ABCA6: variants seen among roughly 807,000 people sequenced by gnomAD.
The protein encoded by ABCA6 is ATP binding cassette subfamily A member 6, also known as ATP-binding cassette sub-family A member 6.
In ABCA6, 164 loss-of-function variants were observed where a neutral mutation model predicts 191.2. That is an observed-to-expected ratio of 0.86 (90% CI 0.76 to 0.98). ABCA6 has a LOEUF of 0.98. Among genes scored for constraint, ABCA6 ranks in the 50% least tolerant of loss-of-function variants. The probability of loss-of-function intolerance (pLI) is 0.00; values close to 1 mark genes in which losing one functional copy is unlikely to be tolerated. For missense variants in ABCA6, 1,958 were observed against 1,894.1 expected, an observed-to-expected ratio of 1.03 and a Z score of -0.63; for synonymous variants, 636 against 647.7, an observed-to-expected ratio of 0.98 and a Z score of 0.27.
intron 12 of ABCA6, 104 bp downstream of exon 12, chr17:69,115,269 CATT>C (rs1221807257): frequency 4.0e-6 from 3 of 748,318 alleles, no homozygotes; most frequent in Non-Finnish European, 6.1e-6. Flanking sequence ...TTTAGATAAA[CATT>C]ATTTCTCTTA....
chr17:69,101,246 T>C (rs1014167608), intron 21 of ABCA6, among the ~76,000 whole-genome samples: 1 of 152,144 alleles, frequency 6.6e-6, no homozygotes, highest in Non-Finnish European at 1.5e-5. Flanking sequence ...GGAAATTTCA[T>C]TTAGTAGAGT....
chr17:69,106,240 A>G (rs2073301704), intron 18 of ABCA6, 29 bp from the exon 19 acceptor site: 33 of 1,568,508 alleles, frequency 2.1e-5, no homozygotes, highest in Non-Finnish European at 2.9e-5. Flanking sequence ...ACAAACACAC[A>G]TATTATAATA....
At chr17:69,127,136 A>C (rs2073768615) in intron 8 of ABCA6, among the ~76,000 whole-genome samples, 2 of 152,276 alleles carry the variant, frequency 1.3e-5, no homozygotes, top group South Asian at 2.1e-4. Context: ...TACACACACA[A>C]AAGTTACACT....
At position 69,121,316 on chromosome 17, in the gene ABCA6, C is replaced by T. The variant is rs537843317; in HGVS notation, c.1436+1923G>A. ...GGCAGTTTTAGACTGCCTTGCAGCC[C>T]CAGACCTGCTTTAACACTCAGTGAG... On this transcript the variant is annotated intron_variant, in intron 10 of 38. Coordinates refer to ENST00000284425, the MANE Select transcript of ABCA6 (RefSeq NM_080284.3). Among the ~76,000 whole-genome samples, 3 of 152,152 alleles carry T rather than the reference C, an allele frequency of 2.0e-5. No homozygotes were observed. The South Asian group carries it at 6.2e-4, about 32-fold the overall frequency.
intron 24 of ABCA6, 113 bp from the exon 25 acceptor site, chr17:69,096,466 G>T: frequency 1.2e-6 from 1 of 806,416 alleles, no homozygotes; most frequent in Non-Finnish European, 1.8e-6. Flanking sequence ...AACATCTTTG[G>T]TATCTGAAAC....
intron 28 of ABCA6, 135 bp downstream of exon 28, chr17:69,088,022 GTAAGGCAGCA>G: frequency 1.4e-6 from 1 of 706,986 alleles, no homozygotes; most frequent in Non-Finnish European, 2.2e-6. Context: ...TCTCTTGGCA[GTAAGGCAGCA>G]ATCCACATTC....
At chr17:69,129,527 C>T (rs1045657672) in intron 7 of ABCA6, 83 bp downstream of exon 7, 26 of 1,178,210 alleles carry the variant, frequency 2.2e-5, no homozygotes, top group Non-Finnish European at 3.0e-5. Context: ...GTAGTGATTG[C>T]AGTAACCTAC....
intron 4 of ABCA6, chr17:69,135,602 C>G (rs914006854): frequency 6.0e-6 from 1 of 167,582 alleles, no homozygotes; most frequent in African/African-American, 2.4e-5. Context: ...TTTCTCACCT[C>G]AGGGTCTTCA....
chr17:69,089,951 C>T (rs190937070), intron 26 of ABCA6, among the ~76,000 whole-genome samples: 1 of 152,098 alleles, frequency 6.6e-6, no homozygotes, highest in African/African-American at 2.4e-5. Flanking sequence ...CTTTTCAGAG[C>T]CCCTTCTTAT....
intron 7 of ABCA6, among the ~76,000 whole-genome samples, chr17:69,129,303 C>T (rs1314886944): frequency 1.3e-5 from 2 of 152,114 alleles, no homozygotes; most frequent in East Asian, 3.9e-4. Context: ...ATTGGGTCCA[C>T]CCCTCAAAAA....
chr17:69,125,256 A>G (rs1186537754), intron 8 of ABCA6, among the ~76,000 whole-genome samples: 1 of 151,794 alleles, frequency 6.6e-6, no homozygotes, highest in Non-Finnish European at 1.5e-5. Flanking sequence ...CAATGTTCTA[A>G]GTATAATAAT....
At chr17:69,084,172 G>T in intron 34 of ABCA6, 89 bp downstream of exon 34, 4 of 1,180,240 alleles carry the variant, frequency 3.4e-6, no homozygotes, top group Non-Finnish European at 1.2e-6. Flanking sequence ...GGAACTAGTG[G>T]GTTTGAGGGC....
intron 25 of ABCA6, among the ~76,000 whole-genome samples, chr17:69,093,314 A>G (rs572673918): frequency 1.7e-4 from 26 of 152,162 alleles, no homozygotes; most frequent in African/African-American, 6.3e-4. Flanking sequence ...TAAGTTGCGC[A>G]CCCCCACCTC....
At position 69,136,263 on chromosome 17, in the gene ABCA6, A is replaced by G; in HGVS notation, c.302-13T>C. The G allele has an allele frequency of 6.8e-7, 1 of 1,477,924 alleles. No homozygotes were observed. Among genetic ancestry groups the G allele is most frequent in the Non-Finnish European group, 9.0e-7 (1 of 1,112,968 alleles). The allele number at this position is 1,477,924 out of a possible 1,614,324, so 91.6% of individuals were successfully genotyped here. On this transcript the variant is annotated splice_polypyrimidine_tract_variant and intron_variant, in intron 3 of 38. Coordinates refer to ENST00000284425, the MANE Select transcript of ABCA6 (RefSeq NM_080284.3). ...ATGACACTTGTTCCTGTGAATTACA[A>G]GGTAAAAATAGACATAGAAAATTGT...
At chr17:69,129,217 T>A (rs2073813961) in intron 7 of ABCA6, among the ~76,000 whole-genome samples, 1 of 152,028 alleles carries the variant, frequency 6.6e-6, no homozygotes, top group African/African-American at 2.4e-5. Context: ...GAGAAGTAAG[T>A]ATGAGACAGA....
rs1182474099 is a variant in ABCA6 at position 69,113,339 on chromosome 17, T to C, written c.1924A>G (p.Thr642Ala). 17 of 1,591,878 alleles carry C rather than the reference T, an allele frequency of 1.1e-5. No individual in the cohort carries two copies. The highest frequency in any genetic ancestry group is 1.1e-5 in the Non-Finnish European group (13 of 1,174,696). ...CTGGAAAAGGGATCCAATCCAGTAG[T>C]TGGTTCATCTAAAAGCAAAATCTAC... ...DPQILLLDEP[T>A]TGLDPFSRDQ... Residue 642 changes from threonine (T) to alanine (A), a missense_variant, in exon 15 of 39, where the codon ACT becomes GCT. Thr to Ala is a moderately conservative substitution (Grantham distance 58, BLOSUM62 0). Transcript: ENST00000284425.
intron 22 of ABCA6, among the ~76,000 whole-genome samples, chr17:69,099,334 A>T (rs1344517489): frequency 6.6e-6 from 1 of 152,136 alleles, no homozygotes; most frequent in Non-Finnish European, 1.5e-5. Context: ...CATCATAGGA[A>T]TGAGGGAGGA....
chr17:69,095,139 T>G (rs2144632613), intron 25 of ABCA6: 1 of 210,694 alleles, frequency 4.7e-6, no homozygotes, highest in Non-Finnish European at 1.0e-5. Flanking sequence ...AGTAAGACTC[T>G]CTTCTACAGA....
intron 31 of ABCA6, 52 bp downstream of exon 31, chr17:69,085,573 T>A: frequency 8.4e-7 from 1 of 1,186,002 alleles, no homozygotes. Context: ...AGATATAATC[T>A]ATACGTATCA....
Sources: gnomAD v4.1 joint callset for allele counts (sites outside exome capture counted in the v4.1 genomes callset) on GRCh38, gnomAD v4.1.1 for gene constraint, MANE v1.5 for transcripts, NCBI Gene and HGNC (gene_info 2026-07-23, HGNC 2026-07-21) for gene names.